Variants in UBL3 observed in about 807,000 individuals in gnomAD.
UBL3 encodes ubiquitin-like protein 3.
In UBL3, 6 loss-of-function variants were observed where a neutral mutation model predicts 18.4. The observed-to-expected ratio is 0.33, with a 90% CI of 0.18 to 0.64. The LOEUF (loss-of-function observed/expected upper bound fraction) is 0.64, where lower values mean the gene tolerates loss of function less well. UBL3 is among the 30% of genes least tolerant of loss of function. The pLI, the probability that UBL3 is intolerant of heterozygous loss-of-function variation, is 0.76. For synonymous variants in UBL3, 49 were observed against 46.6 expected (o/e 1.05, Z -0.21); for missense variants, 109 against 142.9 (o/e 0.76, Z 1.21).
At chr13:29,784,650 T>C (rs1877262771) in intron 1 of UBL3, among the ~76,000 whole-genome samples, 1 of 152,012 alleles carries the variant, frequency 6.6e-6, no homozygotes, top group African/African-American at 2.4e-5. Context: ...TTATACAATA[T>C]TCTTGAAATG....
At chr13:29,827,970 T>G (rs1222918267) in intron 1 of UBL3, among the ~76,000 whole-genome samples, 6 of 152,232 alleles carry the variant, frequency 3.9e-5, no homozygotes, top group Non-Finnish European at 5.9e-5. Context: ...AAATTCTGGG[T>G]TGAAAATTCT....
At chr13:29,779,554 C>A (rs1371482210) in intron 1 of UBL3, among the ~76,000 whole-genome samples, 1 of 152,094 alleles carries the variant, frequency 6.6e-6, no homozygotes, top group Non-Finnish European at 1.5e-5. Flanking sequence ...TCTTTAGGAT[C>A]TGTAAAGGTG....
intron 1 of UBL3, among the ~76,000 whole-genome samples, chr13:29,842,413 C>T (rs950511001): frequency 6.6e-6 from 1 of 152,130 alleles, no homozygotes; most frequent in Non-Finnish European, 1.5e-5. Context: ...CCCACCTCGG[C>T]CTCCCAAAAT....
intron 1 of UBL3, among the ~76,000 whole-genome samples, chr13:29,839,931 GAAAAAA>G (rs35669312): frequency 8.3e-6 from 1 of 120,518 alleles, no homozygotes; most frequent in African/African-American, 3.1e-5. Flanking sequence ...CGTCTCGGGG[GAAAAAA>G]AAAAAAAAAG....
At chr13:29,789,479 G>A (rs996252050) in intron 1 of UBL3, among the ~76,000 whole-genome samples, 2 of 152,134 alleles carry the variant, frequency 1.3e-5, no homozygotes, top group African/African-American at 4.8e-5. Flanking sequence ...TGTATTATTA[G>A]TGTGTTCAAG....
At chr13:29,821,171 A>G (rs917178991) in intron 1 of UBL3, among the ~76,000 whole-genome samples, 1 of 152,160 alleles carries the variant, frequency 6.6e-6, no homozygotes, top group African/African-American at 2.4e-5. Flanking sequence ...AAATAACACA[A>G]AGAAGAAGCT....
intron 1 of UBL3, among the ~76,000 whole-genome samples, chr13:29,837,539 G>T (rs1311887379): frequency 2.6e-5 from 4 of 152,132 alleles, no homozygotes; most frequent in African/African-American, 9.7e-5. Context: ...GTCCCATAAG[G>T]AAAGAAGACA....
At chr13:29,770,674 A>G (rs1268596165) in intron 3 of UBL3, among the ~76,000 whole-genome samples, 1 of 152,066 alleles carries the variant, frequency 6.6e-6, no homozygotes, top group Non-Finnish European at 1.5e-5. Context: ...TTTTTAATTC[A>G]CATAAGATCT....
chr13:29,840,837 C>T (rs1390416568), intron 1 of UBL3, among the ~76,000 whole-genome samples: 2 of 152,180 alleles, frequency 1.3e-5, no homozygotes, highest in East Asian at 1.9e-4. Context: ...ATATGGAATT[C>T]GCTAAATAAT....
intron 3 of UBL3, among the ~76,000 whole-genome samples, chr13:29,770,434 A>T (rs1343796500): frequency 6.6e-6 from 1 of 152,262 alleles, no homozygotes; most frequent in South Asian, 2.1e-4. Context: ...TTTCAAAAAA[A>T]TACTGGTAAA....
At chr13:29,799,024 T>C (rs1346893732) in intron 1 of UBL3, among the ~76,000 whole-genome samples, 2 of 152,216 alleles carry the variant, frequency 1.3e-5, no homozygotes, top group Non-Finnish European at 1.5e-5. Flanking sequence ...TACAGCTCTG[T>C]TTCTGAACCC....
chr13:29,807,417 C>T (rs1285487499), intron 1 of UBL3, among the ~76,000 whole-genome samples: 1 of 152,164 alleles, frequency 6.6e-6, no homozygotes, highest in African/African-American at 2.4e-5. Flanking sequence ...CCTTACTGCT[C>T]CTGAGTTCTG....
chr13:29,836,627 T>C (rs964844444), intron 1 of UBL3, among the ~76,000 whole-genome samples: 9 of 151,848 alleles, frequency 5.9e-5, no homozygotes, highest in African/African-American at 1.9e-4. Context: ...CAATTACCAG[T>C]ACAGAGCAAA....
chr13:29,800,422 T>C (rs1429687554), intron 1 of UBL3, among the ~76,000 whole-genome samples: 2 of 152,196 alleles, frequency 1.3e-5, no homozygotes, highest in African/African-American at 4.8e-5. Flanking sequence ...TGAAAAGTCA[T>C]TTGGCAATTA....
At chr13:29,817,183 A>G (rs1303412494) in intron 1 of UBL3, among the ~76,000 whole-genome samples, 1 of 152,208 alleles carries the variant, frequency 6.6e-6, no homozygotes, top group African/African-American at 2.4e-5. Flanking sequence ...GCGACATTTT[A>G]TTTATTCTGG....
chr13:29,796,069 A>G (rs1193185907), intron 1 of UBL3, among the ~76,000 whole-genome samples: 2 of 152,146 alleles, frequency 1.3e-5, no homozygotes, highest in African/African-American at 2.4e-5. Context: ...TGAAAGATCT[A>G]CCGCAAAGGA....
intron 1 of UBL3, among the ~76,000 whole-genome samples, chr13:29,828,949 C>T (rs1397668776): frequency 5.3e-5 from 8 of 152,242 alleles, no homozygotes; most frequent in Admixed American, 1.3e-4. Context: ...ACTCCAGACC[C>T]TGTTTGCCTG....
intron 1 of UBL3, among the ~76,000 whole-genome samples, chr13:29,793,099 T>C (rs1024877846): frequency 6.6e-6 from 1 of 152,112 alleles, no homozygotes; most frequent in Admixed American, 6.5e-5. Flanking sequence ...TGGCAGCAGA[T>C]GGCTTCAAAG....
At chr13:29,828,513 GTT>G (rs1247063487) in intron 1 of UBL3, among the ~76,000 whole-genome samples, 2 of 152,182 alleles carry the variant, frequency 1.3e-5, no homozygotes, top group Non-Finnish European at 2.9e-5. Context: ...TCATGCCATG[GTT>G]TTCAGCTCCA....
Sources: gnomAD v4.1 joint callset for allele counts (sites outside exome capture counted in the v4.1 genomes callset) on GRCh38, gnomAD v4.1.1 for gene constraint, MANE v1.5 for transcripts, NCBI Gene and HGNC (gene_info 2026-07-23, HGNC 2026-07-21) for gene names.